Variants in KCND2 observed in about 807,000 individuals in gnomAD.
The protein encoded by KCND2 is A-type voltage-gated potassium channel KCND2.
KCND2 carries 16 observed loss-of-function variants against 54.4 expected under a neutral mutation model. That is an observed-to-expected ratio of 0.29 (90% CI 0.20 to 0.45). The LOEUF (loss-of-function observed/expected upper bound fraction) is 0.45. KCND2 is among the 20% of genes least tolerant of loss of function. The pLI is 1.00. For missense variants in KCND2, 486 were observed against 824.2 expected, an observed-to-expected ratio of 0.59 and a Z score of 5.02; for synonymous variants, 317 against 310.7, an observed-to-expected ratio of 1.02 and a Z score of -0.21.
chr7:120,676,911 A>G (rs1792067643), intron 1 of KCND2, among the ~76,000 whole-genome samples: 1 of 152,210 alleles, frequency 6.6e-6, no homozygotes, highest in African/African-American at 2.4e-5. Context: ...CTTTTAAAGG[A>G]CTTATCTGAA....
intron 1 of KCND2, among the ~76,000 whole-genome samples, chr7:120,599,837 G>A (rs1335411834): frequency 6.6e-6 from 1 of 151,860 alleles, no homozygotes; most frequent in Non-Finnish European, 1.5e-5. Context: ...ATGATGAATA[G>A]GAGTAGTGAG....
At chr7:120,661,082 A>G (rs189569756) in intron 1 of KCND2, among the ~76,000 whole-genome samples, 2 of 152,308 alleles carry the variant, frequency 1.3e-5, no homozygotes, top group Admixed American at 1.3e-4. Context: ...AATAGTGAAC[A>G]TCATACCCAA....
chr7:120,450,946 A>G (rs556539718), intron 1 of KCND2, among the ~76,000 whole-genome samples: 7 of 152,318 alleles, frequency 4.6e-5, no homozygotes, highest in South Asian at 2.1e-4. Flanking sequence ...ACAAGAATCA[A>G]TGGAATTTCT....
chr7:120,309,464 TATATATATATACACAC>T (rs1387468204), intron 1 of KCND2, among the ~76,000 whole-genome samples: 2 of 119,188 alleles, frequency 1.7e-5, no homozygotes, highest in African/African-American at 3.2e-5. Flanking sequence ...TATATATATA[TATATATATATACACAC>T]ACACACACAC....
rs908486071 is a variant in KCND2, at chr7:120,440,908, A to G, written c.1115+165161A>G. Among the ~76,000 whole-genome samples, 7 of 152,050 alleles carry G rather than the reference A, an allele frequency of 4.6e-5. 1 individual carries two copies. In the South Asian group the frequency reaches 1.2e-3, roughly 27 times the overall value. On this transcript the variant is annotated intron_variant, in intron 1 of 5. Transcript: ENST00000331113. Reference sequence around the variant, plus strand: ...TTTTCAGAAATACTCAAAATTTGAGACTATCAATTATCTCTGTCTATAGTA... The same window carrying G: ...TTTTCAGAAATACTCAAAATTTGAGGCTATCAATTATCTCTGTCTATAGTA...
rs537816699 is a variant in KCND2 at position 120,611,475 on chromosome 7, G to C, written c.1116-121428G>C. Among the ~76,000 whole-genome samples, 5 of 152,244 alleles carry C rather than the reference G, an allele frequency of 3.3e-5. No homozygotes were observed. In the South Asian group the frequency reaches 1.0e-3, roughly 32 times the overall value. ...GTTAGCATAGAAATGAACTTTTGCT[G>C]TCAGAATGTGAGTGGTTTTTGCGAT... On this transcript the variant is annotated intron_variant, in intron 1 of 5. Coordinates refer to ENST00000331113, the MANE Select transcript of KCND2 (RefSeq NM_012281.3).
intron 1 of KCND2, among the ~76,000 whole-genome samples, chr7:120,577,375 C>T (rs1016808712): frequency 1.3e-5 from 2 of 152,056 alleles, no homozygotes; most frequent in African/African-American, 2.4e-5. Flanking sequence ...TCATAACTTG[C>T]TATGAATGTA....
intron 1 of KCND2, among the ~76,000 whole-genome samples, chr7:120,643,546 G>A (rs1023688557): frequency 3.3e-5 from 5 of 151,838 alleles, no homozygotes; most frequent in Non-Finnish European, 2.9e-5. Context: ...AGTAAATGAC[G>A]TGCTATTTAT....
chr7:120,694,910 C>G (rs1444869075), intron 1 of KCND2, among the ~76,000 whole-genome samples: 5 of 152,124 alleles, frequency 3.3e-5, no homozygotes, highest in Non-Finnish European at 5.9e-5. Context: ...TAACCTCAAC[C>G]TCAAGTTCCA....
intron 1 of KCND2, among the ~76,000 whole-genome samples, chr7:120,523,815 A>T (rs1020204393): frequency 1.3e-5 from 2 of 149,496 alleles, no homozygotes; most frequent in African/African-American, 2.4e-5. Context: ...AAATTTATTT[A>T]TATATATATA....
intron 1 of KCND2, among the ~76,000 whole-genome samples, chr7:120,469,614 A>G (rs1385275832): frequency 2.0e-5 from 3 of 152,158 alleles, no homozygotes; most frequent in Non-Finnish European, 4.4e-5. Flanking sequence ...TGCCAGATGC[A>G]TAGGATATGT....
At chr7:120,578,588 C>T (rs1387585540) in intron 1 of KCND2, among the ~76,000 whole-genome samples, 1 of 152,066 alleles carries the variant, frequency 6.6e-6, no homozygotes, top group African/African-American at 2.4e-5. Context: ...AAAAATTAGC[C>T]AGGCGCAGTG....
intron 1 of KCND2, among the ~76,000 whole-genome samples, chr7:120,367,645 T>A (rs1800706799): frequency 6.6e-6 from 1 of 151,814 alleles, no homozygotes. Context: ...CTTTTTCTTT[T>A]TTTTTTTAAT....
intron 1 of KCND2, among the ~76,000 whole-genome samples, chr7:120,345,305 T>G (rs1410828101): frequency 6.6e-6 from 1 of 152,190 alleles, no homozygotes; most frequent in Non-Finnish European, 1.5e-5. Context: ...TCATATAGTG[T>G]TCTTCTGGTG....
chr7:120,723,048 T>G (rs549365579), intron 1 of KCND2, among the ~76,000 whole-genome samples: 130 of 151,326 alleles, frequency 8.6e-4, no homozygotes, highest in African/African-American at 3.1e-3. Context: ...CCGTGGGGAG[T>G]TTCATCCAAC....
At chr7:120,380,751 A>T (rs1337520632) in intron 1 of KCND2, among the ~76,000 whole-genome samples, 1 of 152,026 alleles carries the variant, frequency 6.6e-6, no homozygotes, top group East Asian at 1.9e-4. Context: ...ATCGTAAAAA[A>T]AAGATAGGTG....
intron 1 of KCND2, among the ~76,000 whole-genome samples, chr7:120,389,269 A>G (rs1219463108): frequency 6.6e-6 from 1 of 151,914 alleles, no homozygotes; most frequent in Non-Finnish European, 1.5e-5. Flanking sequence ...TATGCCTAAG[A>G]TATACATGAT....
rs74782082 is a variant in KCND2, at chr7:120,354,643, G to A, written c.1115+78896G>A. ...TGGGCCTGTGGTCTTAACTACTTGA[G>A]GGGGAGGTGAGGTGGGAGGATCACT... On this transcript the variant is annotated intron_variant, in intron 1 of 5. Coordinates refer to ENST00000331113, the MANE Select transcript of KCND2 (RefSeq NM_012281.3). Among the ~76,000 whole-genome samples the A allele has an allele frequency of 9.2e-3, 1,403 of 152,260 alleles. 13 individuals are homozygous for A. The highest frequency in any genetic ancestry group is 0.032 in the African/African-American group (1,318 of 41,564).
chr7:120,731,430 C>T (rs1792805114), intron 1 of KCND2, among the ~76,000 whole-genome samples: 1 of 152,182 alleles, frequency 6.6e-6, no homozygotes, highest in Admixed American at 6.5e-5. Context: ...TAATCACCAT[C>T]TGGGGGCTGC....
Sources: allele counts gnomAD v4.1 joint callset (sites outside exome capture counted in the v4.1 genomes callset), GRCh38; gene constraint gnomAD v4.1.1; transcripts MANE v1.5; gene names NCBI Gene and HGNC (gene_info 2026-07-23, HGNC 2026-07-21).